SYNE3: variants seen among roughly 807,000 people sequenced by gnomAD.
SYNE3 encodes the protein spectrin repeat containing nuclear envelope family member 3, also known as nesprin-3.
SYNE3 carries 100 observed loss-of-function variants against 111.2 expected under a neutral mutation model. The ratio of observed to expected loss-of-function variants is 0.90; its 90% confidence interval spans 0.77 to 1.06. The LOEUF is 1.06. Among genes scored for constraint, SYNE3 ranks in the 50% least tolerant of loss-of-function variants. The pLI is 0.00. For missense variants in SYNE3, 1,160 were observed against 1,240.3 expected, an observed-to-expected ratio of 0.94 and a Z score of 0.97; for synonymous variants, 547 against 533.9, an observed-to-expected ratio of 1.02 and a Z score of -0.34.
intron 16 of SYNE3, among the ~76,000 whole-genome samples, chr14:95,432,806 G>A (rs181204491): frequency 6.4e-4 from 97 of 152,130 alleles, no homozygotes; most frequent in African/African-American, 2.2e-3. Context: ...CCCAGGTCAC[G>A]CCTACAACAC....
chr14:95,412,553 G>A lies in SYNE3; in HGVS notation c.*5273C>T, dbSNP rs1259990076. The A allele has an allele frequency of 6.6e-6, 1 of 152,260 alleles. No individual in the cohort carries two copies. The highest frequency in any genetic ancestry group is 1.5e-5 in the Non-Finnish European group (1 of 68,076). 9.4% of individuals were successfully genotyped at this position (152,260 alleles called of 1,614,324 possible). A position where few individuals can be genotyped will look rare whatever the true frequency, so the allele number is the denominator to read the frequency against. ...AGGGGAGAGAAAGCCGCAGACCCCG[G>A]ACAGCATCCGAATGGCCAGTGGGAA... On this transcript the variant is annotated 3_prime_UTR_variant, in exon 18 of 18. Coordinates refer to ENST00000682763, the MANE Select transcript of SYNE3 (RefSeq NM_152592.6).
chr14:95,474,668 G>A (rs1481841284), intron 2 of SYNE3, among the ~76,000 whole-genome samples: 1 of 152,230 alleles, frequency 6.6e-6, no homozygotes, highest in Non-Finnish European at 1.5e-5. Flanking sequence ...ACTTGGAAAG[G>A]TGATGAGGAT....
chr14:95,492,899 T>C (rs1889916546), intron 1 of SYNE3, among the ~76,000 whole-genome samples: 1 of 152,188 alleles, frequency 6.6e-6, no homozygotes, highest in Admixed American at 6.5e-5. Flanking sequence ...GTGAATTGTA[T>C]ATTATATGAA....
chr14:95,466,275 C>A (rs1595225382), intron 3 of SYNE3, 35 bp from the exon 4 acceptor site: 1 of 1,528,784 alleles, frequency 6.5e-7, no homozygotes, highest in Non-Finnish European at 8.8e-7. Flanking sequence ...TGTGAGGGAA[C>A]CAGCCACCTG....
chr14:95,496,697 T>G (rs909891575), intron 1 of SYNE3, among the ~76,000 whole-genome samples: 1 of 152,244 alleles, frequency 6.6e-6, no homozygotes, highest in African/African-American at 2.4e-5. Context: ...ACATTCTCAT[T>G]GTAAACAGCT....
rs1003900661 is a variant in SYNE3 at position 95,416,872 on chromosome 14, C to G, written c.*954G>C. ...CGACGATGAAAACTCAGTCCAGGAG[C>G]AACAGAGGAAACACATCTTTCCTGG... is the stretch of plus-strand genomic sequence containing the variant. On this transcript the variant is annotated 3_prime_UTR_variant, in exon 18 of 18. Transcript: ENST00000682763. The G allele has an allele frequency of 6.6e-6, 1 of 152,300 alleles. No homozygotes were observed. The highest frequency in any genetic ancestry group is 1.5e-5 in the Non-Finnish European group (1 of 68,066). The allele number at this position is 152,300 out of a possible 1,614,324, so 9.4% of individuals were successfully genotyped here.
At position 95,457,196 on chromosome 14, in the gene SYNE3, T is replaced by A. The variant is rs572049296; in HGVS notation, c.770A>T (p.Gln257Leu). Residue 257 changes from glutamine (Q) to leucine (L), a missense_variant, in exon 5 of 18, where the codon CAG becomes CTG. Transcript: ENST00000682763. ...LGRNCKLPIT[Q>L]RLSTLQDIAK... is the part of the protein sequence containing the mutation. ...GATTACCTGCAGTGTGGAGAGGCGC[T>A]GCGTGATGGGCAGCTTGCAGTTCCG... The A allele has an allele frequency of 5.2e-5, 84 of 1,613,838 alleles. No individual in the cohort carries two copies. The South Asian group carries it at 7.2e-4, about 14-fold the overall frequency.
chr14:95,466,559 G>A (rs1888191726), intron 3 of SYNE3, among the ~76,000 whole-genome samples: 1 of 152,160 alleles, frequency 6.6e-6, no homozygotes, highest in Non-Finnish European at 1.5e-5. Context: ...TTTACCTCCA[G>A]CACCTTAAAT....
At chr14:95,431,868 C>G (rs544994306) in intron 17 of SYNE3, among the ~76,000 whole-genome samples, 26 of 152,334 alleles carry the variant, frequency 1.7e-4, no homozygotes, top group South Asian at 6.2e-4. Context: ...CTCTGCACAC[C>G]CTGCCAGCCT....
At chr14:95,429,555 A>G (rs1245840646) in intron 17 of SYNE3, among the ~76,000 whole-genome samples, 2 of 152,220 alleles carry the variant, frequency 1.3e-5, no homozygotes, top group African/African-American at 4.8e-5. Flanking sequence ...AATGAGCCAC[A>G]GATGGTCTCC....
At chr14:95,463,769 C>G (rs3825548) in intron 4 of SYNE3, among the ~76,000 whole-genome samples, 104,194 of 152,246 alleles carry the variant, frequency 0.68, 35,831 homozygotes, top group Admixed American at 0.73. Context: ...TGGGGCCCTG[C>G]GGGTTGCTTG....
intron 8 of SYNE3, among the ~76,000 whole-genome samples, chr14:95,447,840 AG>A (rs1886809903): frequency 6.6e-6 from 1 of 152,238 alleles, no homozygotes; most frequent in African/African-American, 2.4e-5. Flanking sequence ...TTTGTCAAAT[AG>A]GTTCCCTGGC....
chr14:95,433,009 C>T lies in SYNE3; in HGVS notation c.2688+251G>A, dbSNP rs148490602. 1.1e-3 allele frequency among the ~76,000 whole-genome samples: 169 copies of T among 152,270 alleles called. 1 individual carries two copies. The highest frequency in any genetic ancestry group is 1.7e-3 in the Non-Finnish European group (115 of 68,020). Reference sequence around the variant, plus strand: ...TGGGAGATAGGAAGCACTCCTTACACATTAATTATGAGGTCACTGCTGTCC... The same window carrying T: ...TGGGAGATAGGAAGCACTCCTTACATATTAATTATGAGGTCACTGCTGTCC... On this transcript the variant is annotated intron_variant, in intron 16 of 17. Transcript: ENST00000682763.
intron 16 of SYNE3, among the ~76,000 whole-genome samples, chr14:95,432,939 G>A (rs75460763): frequency 0.031 from 4,769 of 152,184 alleles, 146 homozygotes; most frequent in East Asian, 0.13. Flanking sequence ...GAGCAGAGGG[G>A]AACCGTACAG....
intron 5 of SYNE3, chr14:95,456,180 C>T (rs1887428119): frequency 5.0e-6 from 1 of 198,170 alleles, no homozygotes; most frequent in South Asian, 1.9e-4. Flanking sequence ...AAATAATCAT[C>T]AGTTTTTTTA....
At chr14:95,478,323 G>C (rs1301119180) in intron 1 of SYNE3, among the ~76,000 whole-genome samples, 1 of 152,190 alleles carries the variant, frequency 6.6e-6, no homozygotes, top group Non-Finnish European at 1.5e-5. Context: ...TCTCAGAGGA[G>C]CTTCTTTACC....
chr14:95,442,544 C>G (rs1178481075), intron 11 of SYNE3, among the ~76,000 whole-genome samples: 1 of 152,176 alleles, frequency 6.6e-6, no homozygotes, highest in African/African-American at 2.4e-5. Flanking sequence ...AACGGCAGAC[C>G]CAGGACTCCA....
rs538726801 is a variant in SYNE3 at position 95,412,369 on chromosome 14, A to G, written c.*5457T>C. On this transcript the variant is annotated 3_prime_UTR_variant, in exon 18 of 18. Transcript: ENST00000682763. ...ACTGCAATCCCGTTGGGCATCTTCA[A>G]TGGCACAAACCCTTTTCTTCGTCTG... is the stretch of plus-strand genomic sequence containing the variant. 5.9e-5 allele frequency: 9 copies of G among 152,378 alleles called. No homozygotes were observed. Among genetic ancestry groups the G allele is most frequent in the African/African-American group, 1.7e-4 (7 of 41,572 alleles). 9.4% of individuals were successfully genotyped at this position (152,378 alleles called of 1,614,324 possible). A position where few individuals can be genotyped will look rare whatever the true frequency, so the allele number is the denominator to read the frequency against.
intron 15 of SYNE3, among the ~76,000 whole-genome samples, chr14:95,435,976 A>G (rs1886062619): frequency 6.6e-6 from 1 of 152,216 alleles, no homozygotes; most frequent in South Asian, 2.1e-4. Flanking sequence ...AAATTAAGAC[A>G]ATGGTAGTGC....
Sources: gnomAD v4.1 joint callset for allele counts (sites outside exome capture counted in the v4.1 genomes callset) on GRCh38, gnomAD v4.1.1 for gene constraint, MANE v1.5 for transcripts, NCBI Gene and HGNC (gene_info 2026-07-23, HGNC 2026-07-21) for gene names.